PTPRM: variants seen among roughly 807,000 people sequenced by gnomAD.
PTPRM encodes protein tyrosine phosphatase receptor type M.
In PTPRM, 47 loss-of-function variants were observed where a neutral mutation model predicts 186.7. The observed-to-expected ratio is 0.25, with a 90% CI of 0.20 to 0.32. The LOEUF (loss-of-function observed/expected upper bound fraction) is 0.32, where lower values mean the gene tolerates loss of function less well. Ranked by LOEUF, PTPRM falls within the 10% of genes least tolerant of loss-of-function variation. PTPRM has a pLI of 1.00. For missense variants in PTPRM, 1,494 were observed against 1,865.0 expected (o/e 0.80, Z 3.66); for synonymous variants, 668 against 674.9 (o/e 0.99, Z 0.16).
chr18:7,571,460 A>G (rs2036564833), intron 1 of PTPRM, among the ~76,000 whole-genome samples: 3 of 152,132 alleles, frequency 2.0e-5, no homozygotes, highest in Admixed American at 2.0e-4. Flanking sequence ...CTTTGACCCA[A>G]TTTCTTAAAA....
intron 7 of PTPRM, among the ~76,000 whole-genome samples, chr18:7,980,850 G>A (rs1458883034): frequency 1.3e-5 from 2 of 152,110 alleles, no homozygotes; most frequent in Non-Finnish European, 2.9e-5. Context: ...GAGATTTCAT[G>A]TGTTGATCTG....
intron 20 of PTPRM, among the ~76,000 whole-genome samples, chr18:8,314,503 G>A (rs565618459): frequency 6.6e-6 from 1 of 152,196 alleles, no homozygotes. Flanking sequence ...TGGTTCACAG[G>A]ATTGTATGTA....
intron 2 of PTPRM, among the ~76,000 whole-genome samples, chr18:7,813,642 G>A (rs1383081633): frequency 2.0e-5 from 3 of 151,478 alleles, no homozygotes; most frequent in African/African-American, 7.3e-5. Flanking sequence ...CTTTAGTTTT[G>A]TCTGTTAATT....
intron 2 of PTPRM, among the ~76,000 whole-genome samples, chr18:7,808,855 A>G (rs769900568): frequency 1.8e-4 from 27 of 152,212 alleles, no homozygotes; most frequent in Non-Finnish European, 3.5e-4. Context: ...CTAATATTCT[A>G]TAATATTCAA....
At chr18:7,927,518 A>T (rs995227760) in intron 5 of PTPRM, among the ~76,000 whole-genome samples, 2 of 150,636 alleles carry the variant, frequency 1.3e-5, no homozygotes, top group Non-Finnish European at 2.9e-5. Flanking sequence ...TTAGTTTGCT[A>T]CTGAGTTGAA....
chr18:8,072,819 T>A (rs1300185944), intron 8 of PTPRM, among the ~76,000 whole-genome samples: 1 of 152,174 alleles, frequency 6.6e-6, no homozygotes, highest in Non-Finnish European at 1.5e-5. Context: ...GATCCTGAAT[T>A]CCCAGAGCTT....
intron 7 of PTPRM, among the ~76,000 whole-genome samples, chr18:7,972,919 C>T (rs550148558): frequency 3.9e-5 from 6 of 152,222 alleles, no homozygotes; most frequent in African/African-American, 1.4e-4. Flanking sequence ...TCAGTCCCTT[C>T]CTTACTAATT....
chr18:7,972,856 C>G (rs1267982932), intron 7 of PTPRM, among the ~76,000 whole-genome samples: 2 of 152,068 alleles, frequency 1.3e-5, no homozygotes, highest in Admixed American at 6.6e-5. Context: ...TGTGTTTATC[C>G]TTCAACATCT....
At chr18:8,303,018 A>G (rs1347419390) in intron 20 of PTPRM, among the ~76,000 whole-genome samples, 1 of 152,032 alleles carries the variant, frequency 6.6e-6, no homozygotes, top group Non-Finnish European at 1.5e-5. Flanking sequence ...TAAATCAGTG[A>G]CCCATTTCAT....
chr18:7,817,961 C>T (rs1568173282), intron 2 of PTPRM, among the ~76,000 whole-genome samples: 1 of 152,176 alleles, frequency 6.6e-6, no homozygotes, highest in Non-Finnish European at 1.5e-5. Flanking sequence ...GAAAGCTCCG[C>T]AAGGCAGATG....
At chr18:7,611,952 A>G (rs942028040) in intron 1 of PTPRM, among the ~76,000 whole-genome samples, 2 of 152,216 alleles carry the variant, frequency 1.3e-5, no homozygotes, top group African/African-American at 4.8e-5. Flanking sequence ...AGGCTCTACC[A>G]TCTAGGTTTG....
intron 20 of PTPRM, among the ~76,000 whole-genome samples, chr18:8,303,749 A>G (rs1239696491): frequency 6.6e-6 from 1 of 152,194 alleles, no homozygotes; most frequent in African/African-American, 2.4e-5. Context: ...ATATGGAGCC[A>G]CCATCATCGA....
intron 7 of PTPRM, among the ~76,000 whole-genome samples, chr18:7,982,284 C>CTT (rs60537289): frequency 2.1e-4 from 28 of 136,212 alleles, no homozygotes; most frequent in African/African-American, 3.7e-4. Context: ...TAAGTTTTTA[C>CTT]TTTTTTTTTT....
intron 19 of PTPRM, among the ~76,000 whole-genome samples, chr18:8,272,208 T>TAA (rs1254909341): frequency 2.5e-4 from 19 of 76,120 alleles, no homozygotes; most frequent in African/African-American, 6.4e-4. Flanking sequence ...TCTGCCTCAA[T>TAA]AAAAAAAAAA....
chr18:8,081,301 T>TCTAA (rs2090114124), intron 9 of PTPRM, among the ~76,000 whole-genome samples: 1 of 152,170 alleles, frequency 6.6e-6, no homozygotes, highest in Non-Finnish European at 1.5e-5. Flanking sequence ...CTCACCCAAA[T>TCTAA]CTAACCCTCA....
chr18:8,201,628 C>A (rs2093858761), intron 14 of PTPRM, among the ~76,000 whole-genome samples: 1 of 152,162 alleles, frequency 6.6e-6, no homozygotes, highest in Admixed American at 6.5e-5. Flanking sequence ...CAATTCGTTT[C>A]CTGCTGAGGG....
Position 7,628,964 on chromosome 18 carries a change from C to G in PTPRM, c.73+61073C>G, listed in dbSNP as rs1397031648. On this transcript the variant is annotated intron_variant, in intron 1 of 32. Coordinates refer to ENST00000580170, the MANE Select transcript of PTPRM (RefSeq NM_001105244.2). The stretch of plus-strand genomic sequence containing the variant: ...CCAGCTCATCTCCATCTACGTGATG[C>G]TGGTTTCATGACCACTGTGCAGTCA... Among the ~76,000 whole-genome samples the G allele has an allele frequency of 3.3e-5, 5 of 152,212 alleles. No homozygotes were observed. The South Asian group carries it at 6.2e-4, about 19-fold the overall frequency.
intron 1 of PTPRM, among the ~76,000 whole-genome samples, chr18:7,724,233 T>C (rs2040503345): frequency 6.6e-6 from 1 of 152,232 alleles, no homozygotes; most frequent in East Asian, 1.9e-4. Flanking sequence ...TTGTATACAC[T>C]GATGTGATAT....
rs71362023 is a variant in PTPRM at position 8,370,920 on chromosome 18, A to G, written c.3085A>G (p.Thr1029Ala). 13 of 1,604,484 alleles carry G rather than the reference A, an allele frequency of 8.1e-6. No homozygotes were observed. The highest frequency in any genetic ancestry group is 2.7e-5 in the African/African-American group (2 of 74,558). Reference sequence around the variant, plus strand: ...ATGCTGCAAATACTGGCCAGATGACACAGAGATATATAAAGACATTAAAGT... The same window carrying G: ...ATGCTGCAAATACTGGCCAGATGACGCAGAGATATATAAAGACATTAAAGT... ...VKCCKYWPDD[T>A]EIYKDIKVTL... The change falls in exon 24 of 33, where the codon ACA becomes GCA. Residue 1029 changes from threonine to alanine, a missense_variant. Thr to Ala is a moderately conservative substitution (Grantham distance 58). This residue lies in a region of PTPRM where 1,107 missense variants were observed against 1,350.2 expected (regional missense o/e 0.82). Coordinates refer to ENST00000580170, the MANE Select transcript of PTPRM (RefSeq NM_001105244.2).
Sources: allele counts gnomAD v4.1 joint callset (sites outside exome capture counted in the v4.1 genomes callset), GRCh38; gene constraint gnomAD v4.1.1; regional missense constraint gnomAD v4.1.1; transcripts MANE v1.5; gene names NCBI Gene and HGNC (gene_info 2026-07-23, HGNC 2026-07-21).